Variants in FREM1 observed in about 807,000 individuals in gnomAD.
The protein encoded by FREM1 is FRAS1 related extracellular matrix 1, also known as FRAS1-related extracellular matrix protein 1.
In FREM1, 220 loss-of-function variants were observed where a neutral mutation model predicts 210.1. That is an observed-to-expected ratio of 1.05 (90% confidence interval 0.94 to 1.17). The LOEUF (loss-of-function observed/expected upper bound fraction) is 1.17. FREM1 is among the 50% of genes most tolerant of loss of function. The pLI is 0.00. For synonymous variants in FREM1, 1,189 were observed against 980.2 expected (o/e 1.21, Z -3.98); for missense variants, 3,454 against 2,675.5 (o/e 1.29, Z -6.42).
chr9:14,757,571 G>T (rs144660350), intron 28 of FREM1, among the ~76,000 whole-genome samples: 13 of 152,170 alleles, frequency 8.5e-5, no homozygotes, highest in Admixed American at 3.9e-4. Flanking sequence ...CAAAAAAAAA[G>T]TGTCTTTGGC....
At chr9:14,858,447 G>A (rs1289602682) in intron 4 of FREM1, among the ~76,000 whole-genome samples, 1 of 150,936 alleles carries the variant, frequency 6.6e-6, no homozygotes, top group Admixed American at 6.6e-5. Context: ...CAGTCTTCCT[G>A]CCTCAGCCTC....
intron 1 of FREM1, among the ~76,000 whole-genome samples, chr9:14,882,567 G>T (rs1834985892): frequency 1.3e-5 from 2 of 150,048 alleles, no homozygotes; most frequent in African/African-American, 4.9e-5. Flanking sequence ...CAATTCTCCT[G>T]CCTCAGCCTC....
intron 5 of FREM1, among the ~76,000 whole-genome samples, chr9:14,854,031 A>T (rs987537626): frequency 6.6e-6 from 1 of 152,210 alleles, no homozygotes; most frequent in Non-Finnish European, 1.5e-5. Flanking sequence ...TTATATAAAC[A>T]AAGCAATTGC....
intron 10 of FREM1, among the ~76,000 whole-genome samples, chr9:14,834,790 T>G (rs1345612296): frequency 6.6e-6 from 1 of 152,186 alleles, no homozygotes; most frequent in African/African-American, 2.4e-5. Context: ...TCAAAAATTG[T>G]ATGGGTTTTC....
chr9:14,808,401 T>C (rs1440479385), intron 16 of FREM1, among the ~76,000 whole-genome samples: 1 of 152,124 alleles, frequency 6.6e-6, no homozygotes, highest in Non-Finnish European at 1.5e-5. Flanking sequence ...CCAACAAGGG[T>C]CTGACAGTTT....
chr9:14,867,380 G>T (rs922049539), intron 2 of FREM1, among the ~76,000 whole-genome samples: 1 of 152,130 alleles, frequency 6.6e-6, no homozygotes. Flanking sequence ...CCAAACACTT[G>T]GGAATACAAT....
chr9:14,897,793 T>C lies in FREM1; in HGVS notation c.-268+12121A>G, dbSNP rs188835486. Among the ~76,000 whole-genome samples the C allele has an allele frequency of 2.7e-4, 41 of 152,202 alleles. 1 individual carries two copies. Among genetic ancestry groups the C allele is most frequent in the South Asian group, 1.7e-3 (8 of 4,816 alleles). On this transcript the variant is annotated intron_variant, in intron 1 of 36. Transcript: ENST00000380880. ...TTTTTTTGTAGAAACAGGGTCTCAG[T>C]ATGTTGCCCAGGCTGGTCTCGAACT...
intron 3 of FREM1, 85 bp downstream of exon 3, chr9:14,863,724 A>G: frequency 1.3e-6 from 1 of 779,232 alleles, no homozygotes; most frequent in Non-Finnish European, 2.2e-6. Context: ...TCCCCTCATG[A>G]CAATACATAT....
chr9:14,848,975 A>G (rs1416223771), intron 6 of FREM1, among the ~76,000 whole-genome samples: 1 of 152,138 alleles, frequency 6.6e-6, no homozygotes, highest in African/African-American at 2.4e-5. Flanking sequence ...GTATTTTTAA[A>G]TTTTCTTCTA....
chr9:14,835,819 A>G (rs1400617555), intron 10 of FREM1, among the ~76,000 whole-genome samples: 2 of 152,218 alleles, frequency 1.3e-5, no homozygotes, highest in Non-Finnish European at 1.5e-5. Flanking sequence ...ATTACTTTTT[A>G]CCAAAAGTGA....
chr9:14,908,463 G>C (rs573952090), intron 1 of FREM1, among the ~76,000 whole-genome samples: 61 of 152,170 alleles, frequency 4.0e-4, no homozygotes, highest in African/African-American at 1.4e-3. Context: ...CCCAACATGT[G>C]AAAGCAGGGA....
chr9:14,904,807 T>A (rs1817407147), intron 1 of FREM1, among the ~76,000 whole-genome samples: 1 of 152,140 alleles, frequency 6.6e-6, no homozygotes, highest in African/African-American at 2.4e-5. Context: ...TGCATGACTC[T>A]CCTCCTTGCC....
intron 1 of FREM1, among the ~76,000 whole-genome samples, chr9:14,870,035 T>C (rs1832303778): frequency 6.6e-6 from 1 of 152,190 alleles, no homozygotes; most frequent in Non-Finnish European, 1.5e-5. Context: ...CCATAAGAAA[T>C]GAAAAGATTT....
rs1017643294 is a variant in FREM1, at chr9:14,809,905, T to C, written c.2894-1771A>G. 1.1e-4 allele frequency among the ~76,000 whole-genome samples: 17 copies of C among 152,202 alleles called. No homozygotes were observed. In the East Asian group the frequency reaches 3.3e-3, roughly 29 times the overall value. ...ATGTATGTATGTATGTATGTATGTA[T>C]GTATGTATTATGTAGAATCACATGA... On this transcript the variant is annotated intron_variant, in intron 16 of 36. Coordinates refer to ENST00000380880, the MANE Select transcript of FREM1 (RefSeq NM_001379081.2).
intron 1 of FREM1, among the ~76,000 whole-genome samples, 152 bp from the exon 2 acceptor site, chr9:14,869,396 C>G (rs1012060562): frequency 2.0e-5 from 3 of 152,158 alleles, no homozygotes; most frequent in Non-Finnish European, 4.4e-5. Context: ...ACCTCTAGAC[C>G]CATCTGAAAG....
At chr9:14,838,854 C>T (rs964487324) in intron 10 of FREM1, among the ~76,000 whole-genome samples, 58 of 152,118 alleles carry the variant, frequency 3.8e-4, no homozygotes, top group African/African-American at 1.2e-3. Flanking sequence ...AAACAGATGC[C>T]AGAGCATGTA....
intron 19 of FREM1, among the ~76,000 whole-genome samples, chr9:14,802,769 A>G (rs1197523715): frequency 6.6e-6 from 1 of 152,218 alleles, no homozygotes; most frequent in East Asian, 1.9e-4. Flanking sequence ...CAATGTTACT[A>G]TGCTACATAG....
Position 14,789,045 on chromosome 9 carries a change from G to A in FREM1, c.4051C>T (p.Leu1351=). 6.2e-7 allele frequency: 1 copy of A among 1,609,848 alleles called. No homozygotes were observed. The highest frequency in any genetic ancestry group is 8.5e-7 in the Non-Finnish European group (1 of 1,178,046). ...CTQEEVDLNL[L]RYTHTGAMDS... Reference sequence around the variant, plus strand: ...ATTGCCCCGGTGTGTGTGTATCTCAGCAAGTTCAGATCCACTTCCTCCTGA... The same window carrying A: ...ATTGCCCCGGTGTGTGTGTATCTCAACAAGTTCAGATCCACTTCCTCCTGA... The change falls in exon 23 of 37, where the codon CTG becomes TTG. Residue 1351 remains leucine (L), a synonymous_variant. Transcript: ENST00000380880.
At chr9:14,745,965 C>A (rs1004952854) in intron 35 of FREM1, among the ~76,000 whole-genome samples, 1 of 151,776 alleles carries the variant, frequency 6.6e-6, no homozygotes, top group Non-Finnish European at 1.5e-5. Flanking sequence ...GGCAGGAATT[C>A]TTATCACATA....
Sources: allele counts gnomAD v4.1 joint callset (sites outside exome capture counted in the v4.1 genomes callset), GRCh38; gene constraint gnomAD v4.1.1; transcripts MANE v1.5; gene names NCBI Gene and HGNC (gene_info 2026-07-23, HGNC 2026-07-21).